The following PRAME variants were observed in gnomAD, a reference collection of about 807,000 sequenced individuals.
PRAME encodes melanoma antigen preferentially expressed in tumors.
In PRAME, 21 loss-of-function variants were observed where a neutral mutation model predicts 32.1. That is an observed-to-expected ratio of 0.65 (90% confidence interval 0.46 to 0.94). The LOEUF (loss-of-function observed/expected upper bound fraction) is 0.94. PRAME is among the 40% of genes least tolerant of loss of function. PRAME has a pLI of 0.00. For synonymous variants in PRAME, 274 were observed against 251.5 expected, an observed-to-expected ratio of 1.09 and a Z score of -0.85; for missense variants, 651 against 622.3, an observed-to-expected ratio of 1.05 and a Z score of -0.49.
intron 3 of PRAME, chr22:22,555,729 G>A (rs2062867270): frequency 5.0e-6 from 2 of 397,890 alleles, no homozygotes; most frequent in African/African-American, 2.1e-5. Flanking sequence ...TCCAGCACAA[G>A]TCTCCCGGCT....
intron 1 of PRAME, among the ~76,000 whole-genome samples, chr22:22,558,739 T>C (rs2063151354): frequency 6.6e-6 from 1 of 151,100 alleles, no homozygotes; most frequent in Non-Finnish European, 1.5e-5. Flanking sequence ...CACGGAGACG[T>C]CCAAGTCTGG....
In PRAME at chr22:22,556,843, C is replaced by T. The variant is rs781551688; in HGVS notation, c.-11G>A. On this transcript the variant is annotated 5_prime_UTR_variant, in exon 3 of 6. Coordinates refer to ENST00000405655, the MANE Select transcript of PRAME (RefSeq NM_206956.3). ...ACGCCTTCGTTCCATTTTGAAGCGACTTAGGCTGGCCTCAGGACCTCCAAC... is the reference window on the plus strand; with the variant it reads ...ACGCCTTCGTTCCATTTTGAAGCGATTTAGGCTGGCCTCAGGACCTCCAAC... 6.2e-7 allele frequency: 1 copy of T among 1,612,922 alleles called. No individual in the cohort carries two copies. The highest frequency in any genetic ancestry group is 1.1e-5 in the South Asian group (1 of 91,068).
chr22:22,548,625 C>T lies in PRAME; in HGVS notation c.972G>A (p.Leu324=). 1 of 1,601,668 alleles carries T rather than the reference C, an allele frequency of 6.2e-7. No homozygotes were observed. The highest frequency in any genetic ancestry group is 8.5e-7 in the Non-Finnish European group (1 of 1,178,198). ...GGCAGTTAGTTATTGAGAGGGTTTC[C>T]AAGGGGTTCATCACGTGCCTGCAAA... is the stretch of plus-strand genomic sequence containing the variant. ...DQLLRHVMNP[L]ETLSITNCRL... The change falls in exon 6 of 6, where the codon TTG becomes TTA. Residue 324 remains leucine (L), a synonymous_variant. Transcript: ENST00000405655.
rs746012471 is a variant in PRAME, at chr22:22,548,571, C to G, written c.1026G>C (p.Leu342=). 5.0e-6 allele frequency: 8 copies of G among 1,612,938 alleles called. No individual in the cohort carries two copies. The South Asian group carries it at 6.6e-5, about 13-fold the overall frequency. ...GCTGACTGACGCTGGGACTCTGGGA[C>G]AGATGCATCACATCCCCTTCCGAAA... The part of the protein sequence containing the change: ...CRLSEGDVMH[L]SQSPSVSQLS... The change falls in exon 6 of 6, where the codon CTG becomes CTC. Residue 342 remains leucine, a synonymous_variant. Transcript: ENST00000405655.
chr22:22,551,225 C>A, intron 3 of PRAME, 136 bp from the exon 4 acceptor site: 1 of 754,128 alleles, frequency 1.3e-6, no homozygotes. Flanking sequence ...TCTCAGTTTA[C>A]CCCGATTCCA....
intron 3 of PRAME, among the ~76,000 whole-genome samples, chr22:22,554,766 T>G (rs553405681): frequency 2.0e-5 from 3 of 151,986 alleles, no homozygotes; most frequent in African/African-American, 7.2e-5. Context: ...TCAAACAATC[T>G]AAGTGTTAGA....
chr22:22,557,127 G>C, intron 2 of PRAME: 1 of 508,202 alleles, frequency 2.0e-6, no homozygotes, highest in Non-Finnish European at 3.6e-6. Context: ...CATGTGGTTG[G>C]TCACAAGTGA....
Position 22,552,280 on chromosome 22 carries a change from T to TA in PRAME, c.22-1192dup, listed in dbSNP as rs201241243. ...ATGGAATATTTTTTAACCTTGTAGT[T>TA]AAAAAAAAGCCTAACTAGTAAATCA... On this transcript the variant is annotated intron_variant, in intron 3 of 5. Transcript: ENST00000405655. 4.0e-3 allele frequency among the ~76,000 whole-genome samples: 605 copies of TA among 150,232 alleles called. 4 individuals are homozygous for TA. The highest frequency in any genetic ancestry group is 0.014 in the African/African-American group (570 of 40,932).
intron 5 of PRAME, 22 bp downstream of exon 5, chr22:22,549,704 G>A (rs766476560): frequency 6.4e-7 from 1 of 1,568,756 alleles, no homozygotes; most frequent in Non-Finnish European, 8.6e-7. Context: ...CTGGTCTGCA[G>A]AGAAATCTCA....
At chr22:22,555,710 G>C in intron 3 of PRAME, 1 of 380,374 alleles carries the variant, frequency 2.6e-6, no homozygotes, top group Non-Finnish European at 5.6e-6. Context: ...CCGTCCTTGA[G>C]CCTTTAGTTC....
At chr22:22,552,286 A>G (rs536049841) in intron 3 of PRAME, among the ~76,000 whole-genome samples, 30 of 151,806 alleles carry the variant, frequency 2.0e-4, no homozygotes, top group African/African-American at 6.8e-4. Context: ...TAGTTAAAAA[A>G]AAGCCTAACT....
At chr22:22,551,889 CAT>C (rs1290084691) in intron 3 of PRAME, among the ~76,000 whole-genome samples, 4 of 151,784 alleles carry the variant, frequency 2.6e-5, no homozygotes, top group Admixed American at 6.6e-5. Flanking sequence ...TATGATCTCA[CAT>C]ATGTGTGGTG....
At position 22,548,079 on chromosome 22, in the gene PRAME, G is replaced by GA. The variant is rs761660516; in HGVS notation, c.1517dup (p.Met507HisfsTer3). On this transcript the variant is annotated frameshift_variant, in exon 6 of 6. Transcript: ENST00000405655. LOFTEE classifies it high-confidence loss of function. ...TATGTGCACCCAGCTAATTAGGCAT[G>GA]AAACAGGGGCACAGGATGGGCTCCG... The GA allele has an allele frequency of 1.7e-5, 28 of 1,609,434 alleles. 1 individual carries two copies. In the Admixed American group the frequency reaches 3.2e-4, roughly 18 times the overall value.
intron 3 of PRAME, 139 bp from the exon 4 acceptor site, chr22:22,551,228 C>T (rs1026959213): frequency 1.7e-5 from 12 of 722,806 alleles, no homozygotes; most frequent in Admixed American, 6.0e-5. Flanking sequence ...CAGTTTACCC[C>T]GATTCCACTC....
chr22:22,554,212 T>C, intron 3 of PRAME: 1 of 985,164 alleles, frequency 1.0e-6, no homozygotes, highest in African/African-American at 1.7e-5. Context: ...ACCCAAAGAA[T>C]TCTCCAGGCC....
chr22:22,556,914 G>A lies in PRAME; in HGVS notation c.-77-5C>T, dbSNP rs2062961117. 6 of 1,525,988 alleles carry A rather than the reference G, an allele frequency of 3.9e-6. No individual in the cohort carries two copies. The Admixed American group carries it at 5.0e-5, about 13-fold the overall frequency. The allele number at this position is 1,525,988 out of a possible 1,614,324, so 94.5% of individuals were successfully genotyped here. On this transcript the variant is annotated splice_region_variant and splice_polypyrimidine_tract_variant and intron_variant, in intron 2 of 5. Transcript: ENST00000405655. The stretch of plus-strand genomic sequence containing the variant: ...GTCACTTGTTGCCACGCACGTCTGA[G>A]AGTAATAATCAAAATGCTCCAAAAA...
chr22:22,556,360 G>A (rs1416142885), intron 3 of PRAME, among the ~76,000 whole-genome samples: 2 of 151,390 alleles, frequency 1.3e-5, no homozygotes, highest in African/African-American at 4.9e-5. Context: ...CGCCAGGCTG[G>A]AGTGCAGTGG....
chr22:22,558,621 A>G (rs1171235252), intron 1 of PRAME, among the ~76,000 whole-genome samples: 1 of 124,486 alleles, frequency 8.0e-6, no homozygotes, highest in East Asian at 2.7e-4. Flanking sequence ...CTTTCCCACC[A>G]GACAGTAGGG....
intron 3 of PRAME, chr22:22,552,937 C>T: frequency 2.1e-6 from 1 of 470,814 alleles, no homozygotes; most frequent in Non-Finnish European, 4.4e-6. Context: ...GCATACCTCC[C>T]CTTTCAACTC....
Sources: gnomAD v4.1 joint callset for allele counts (sites outside exome capture counted in the v4.1 genomes callset) on GRCh38, gnomAD v4.1.1 for gene constraint, MANE v1.5 for transcripts, NCBI Gene and HGNC (gene_info 2026-07-23, HGNC 2026-07-21) for gene names.